The following SFRP1 variants were observed in gnomAD, a reference collection of about 807,000 sequenced individuals.
SFRP1 encodes the protein secreted frizzled-related protein 1.
Under a neutral mutation model 25.9 loss-of-function variants are expected in SFRP1, and 9 were observed. The observed-to-expected ratio is 0.35, with a 90% CI of 0.21 to 0.61. The LOEUF (loss-of-function observed/expected upper bound fraction) is 0.61, where lower values mean the gene tolerates loss of function less well. SFRP1 is among the 20% of genes least tolerant of loss of function. The pLI is 0.78. For missense variants in SFRP1, 346 were observed against 418.2 expected (o/e 0.83, Z 1.51); for synonymous variants, 178 against 174.0 (o/e 1.02, Z -0.18).
Position 41,265,112 on chromosome 8 carries a change from T to TCCCCCCCCCCACCCC in SFRP1, c.*54_*55insGGGGTGGGGGGGGGG. ...GACCCACCGGGTTCCCGGGGCACTG[T>TCCCCCCCCCCACCCC]CCCCCCCGCTCCCACCCCACCCGAG... On this transcript the variant is annotated 3_prime_UTR_variant, in exon 3 of 3. Transcript: ENST00000220772. The TCCCCCCCCCCACCCC allele has an allele frequency of 3.9e-6, 2 of 517,774 alleles. No homozygotes were observed. The highest frequency in any genetic ancestry group is 7.2e-6 in the Non-Finnish European group (2 of 279,106). 32.1% of individuals were successfully genotyped at this position (517,774 alleles called of 1,614,324 possible).
intron 1 of SFRP1, among the ~76,000 whole-genome samples, chr8:41,304,416 T>C (rs1372792356): frequency 1.3e-5 from 2 of 150,750 alleles, no homozygotes; most frequent in Non-Finnish European, 3.0e-5. Context: ...CTTATCATCA[T>C]TGTCATCACC....
chr8:41,285,962 T>C (rs1424900544), intron 2 of SFRP1, among the ~76,000 whole-genome samples: 2 of 128,504 alleles, frequency 1.6e-5, no homozygotes, highest in Non-Finnish European at 3.1e-5. Flanking sequence ...GAGGGCTCCA[T>C]GGGAGGAACA....
chr8:41,304,833 C>T (rs111871281), intron 1 of SFRP1, among the ~76,000 whole-genome samples: 48 of 152,206 alleles, frequency 3.2e-4, no homozygotes, highest in African/African-American at 1.1e-3. Context: ...GCAGAGACCC[C>T]ATCCTTAGTT....
intron 2 of SFRP1, among the ~76,000 whole-genome samples, chr8:41,288,054 TA>T (rs113220723): frequency 0.011 from 1,641 of 148,900 alleles, 25 homozygotes; most frequent in African/African-American, 0.033. Flanking sequence ...CCCGTTTCTA[TA>T]AAAAAAAAAA....
chr8:41,282,688 A>G lies in SFRP1; in HGVS notation c.623-17199T>C, dbSNP rs1309566934. On this transcript the variant is annotated intron_variant, in intron 2 of 2. Transcript: ENST00000220772. Reference sequence around the variant, plus strand: ...ACTTTTAATTCTGTATTATTTGGACATTTTTTATTTTATACAATGTGAACA... The same window carrying G: ...ACTTTTAATTCTGTATTATTTGGACGTTTTTTATTTTATACAATGTGAACA... Among the ~76,000 whole-genome samples the G allele has an allele frequency of 2.6e-5, 4 of 152,084 alleles. No homozygotes were observed. The East Asian group carries it at 7.7e-4, about 29-fold the overall frequency.
chr8:41,282,670 AT>A (rs1803650929), intron 2 of SFRP1, among the ~76,000 whole-genome samples: 1 of 152,134 alleles, frequency 6.6e-6, no homozygotes, highest in Non-Finnish European at 1.5e-5. Flanking sequence ...CTTACTTTTA[AT>A]TCTGTATTAT....
At chr8:41,280,783 C>T (rs773528944) in intron 2 of SFRP1, among the ~76,000 whole-genome samples, 1 of 152,172 alleles carries the variant, frequency 6.6e-6, no homozygotes, top group Non-Finnish European at 1.5e-5. Context: ...CCACAGAAGG[C>T]TGCTGGATGG....
In SFRP1 at chr8:41,288,584, T is replaced by C. The variant is rs1803738257; in HGVS notation, c.622+14877A>G. Among the ~76,000 whole-genome samples, 9 of 141,480 alleles carry C rather than the reference T, an allele frequency of 6.4e-5. No individual in the cohort carries two copies. The South Asian group carries it at 2.1e-3, about 32-fold the overall frequency. The allele number at this position is 141,480 out of a possible 152,430, so 92.8% of individuals were successfully genotyped here. On this transcript the variant is annotated intron_variant, in intron 2 of 2. Transcript: ENST00000220772. ...AAAAAAAAAACTGCAATGCACTTTG[T>C]AGTTTCCAGGACTCTTCCATACACT... is the stretch of plus-strand genomic sequence containing the variant.
chr8:41,279,127 A>G (rs558951545), intron 2 of SFRP1, among the ~76,000 whole-genome samples: 1 of 152,204 alleles, frequency 6.6e-6, no homozygotes, highest in Admixed American at 6.5e-5. Flanking sequence ...CATGTAGGAC[A>G]TGGCCCAAAA....
Position 41,303,493 on chromosome 8 carries a change from G to A in SFRP1, c.590C>T (p.Ala197Val), listed in dbSNP as rs1336169928. ...GCTGGCACAGAGATGTTCAATGATG[G>A]CCTCAGATTTCAACTCGTTGTCACA... is the stretch of plus-strand genomic sequence containing the variant. ...PPCDNELKSE[A>V]IIEHLCASEF... is the part of the protein sequence containing the mutation. The change falls in exon 2 of 3, where the codon GCC (alanine) becomes GTC (valine). Residue 197 changes from alanine to valine, a missense_variant. Transcript: ENST00000220772. 3 of 1,613,852 alleles carry A rather than the reference G, an allele frequency of 1.9e-6. No individual in the cohort carries two copies. The highest frequency in any genetic ancestry group is 2.5e-6 in the Non-Finnish European group (3 of 1,179,948).
intron 1 of SFRP1, among the ~76,000 whole-genome samples, chr8:41,304,936 G>A (rs943080688): frequency 2.6e-5 from 4 of 152,096 alleles, no homozygotes; most frequent in Non-Finnish European, 4.4e-5. Flanking sequence ...GCTCCCAGCA[G>A]ACGATGGCAT....
chr8:41,282,519 C>A (rs770056291), intron 2 of SFRP1, among the ~76,000 whole-genome samples: 1 of 150,812 alleles, frequency 6.6e-6, no homozygotes, highest in Non-Finnish European at 1.5e-5. Flanking sequence ...CCTCCAAAAA[C>A]ACACAAAAAA....
intron 2 of SFRP1, among the ~76,000 whole-genome samples, chr8:41,268,522 A>C (rs995928499): frequency 4.6e-5 from 7 of 152,212 alleles, no homozygotes; most frequent in African/African-American, 1.7e-4. Context: ...GCAGCCAGGG[A>C]GGAGAAATCA....
intron 2 of SFRP1, among the ~76,000 whole-genome samples, chr8:41,293,334 G>A (rs962686299): frequency 6.6e-6 from 1 of 152,240 alleles, no homozygotes; most frequent in African/African-American, 2.4e-5. Flanking sequence ...CCCATGCCTT[G>A]ATGCAGCCTT....
chr8:41,289,503 G>A (rs566611613), intron 2 of SFRP1, among the ~76,000 whole-genome samples: 3 of 152,164 alleles, frequency 2.0e-5, no homozygotes, highest in African/African-American at 4.8e-5. Context: ...ACTTGCAGGC[G>A]CTGACACAGT....
intron 2 of SFRP1, among the ~76,000 whole-genome samples, chr8:41,297,747 G>T (rs1803861862): frequency 6.6e-6 from 1 of 152,084 alleles, no homozygotes; most frequent in Non-Finnish European, 1.5e-5. Context: ...CTCGCCCAGA[G>T]CCTGTGTTCT....
Position 41,264,985 on chromosome 8 carries a change from G to A in SFRP1, c.*182C>T. The stretch of plus-strand genomic sequence containing the variant: ...TGCTTTACCCGGCCATGGCTACCCT[G>A]GGGTTTGGAGCGTGGCTATGGAGGG... On this transcript the variant is annotated 3_prime_UTR_variant, in exon 3 of 3. Transcript: ENST00000220772. 3.5e-6 allele frequency: 2 copies of A among 578,188 alleles called. No homozygotes were observed. Among genetic ancestry groups the A allele is most frequent in the Non-Finnish European group, 3.0e-6 (1 of 329,238 alleles). 35.8% of individuals were successfully genotyped at this position (578,188 alleles called of 1,614,324 possible). A position where few individuals can be genotyped will look rare whatever the true frequency, so the allele number is the denominator to read the frequency against.
At chr8:41,301,408 TAAG>T (rs1010859255) in intron 2 of SFRP1, among the ~76,000 whole-genome samples, 1 of 151,772 alleles carries the variant, frequency 6.6e-6, no homozygotes, top group African/African-American at 2.4e-5. Flanking sequence ...TCTAAGGTGC[TAAG>T]AAGGGCAGAG....
chr8:41,295,447 T>C (rs1395118110), intron 2 of SFRP1, among the ~76,000 whole-genome samples: 1 of 151,604 alleles, frequency 6.6e-6, no homozygotes, highest in Non-Finnish European at 1.5e-5. Flanking sequence ...AAAAATTCCT[T>C]GAACCCAGTA....
Sources: gnomAD v4.1 joint callset for allele counts (sites outside exome capture counted in the v4.1 genomes callset) on GRCh38, gnomAD v4.1.1 for gene constraint, MANE v1.5 for transcripts, NCBI Gene and HGNC (gene_info 2026-07-23, HGNC 2026-07-21) for gene names.